The following ASAP1 variants were observed in gnomAD, a reference collection of about 807,000 sequenced individuals.
ASAP1 encodes the protein ArfGAP with SH3 domain, ankyrin repeat and PH domain 1, also known as arf-GAP with SH3 domain, ANK repeat and PH domain-containing protein 1.
ASAP1 carries 43 observed loss-of-function variants against 145.2 expected under a neutral mutation model. The observed-to-expected ratio is 0.30, with a 90% confidence interval of 0.23 to 0.38. The LOEUF (loss-of-function observed/expected upper bound fraction) is 0.38, where lower values mean the gene tolerates loss of function less well. Among genes scored for constraint, ASAP1 ranks in the 10% least tolerant of loss-of-function variants. ASAP1 has a pLI of 1.00. For synonymous variants in ASAP1, 546 were observed against 515.5 expected, an observed-to-expected ratio of 1.06 and a Z score of -0.80; for missense variants, 1,018 against 1,355.3, an observed-to-expected ratio of 0.75 and a Z score of 3.91.
chr8:130,241,783 A>C (rs1204068404), intron 3 of ASAP1, among the ~76,000 whole-genome samples: 1 of 152,164 alleles, frequency 6.6e-6, no homozygotes, highest in Non-Finnish European at 1.5e-5. Context: ...TTCTTTAAAA[A>C]TATTTTATTG....
intron 2 of ASAP1, among the ~76,000 whole-genome samples, chr8:130,371,761 A>C (rs1554896666): frequency 1.3e-5 from 2 of 152,218 alleles, no homozygotes; most frequent in Non-Finnish European, 2.9e-5. Flanking sequence ...GCTCCTGATA[A>C]CCATGGAGGC....
chr8:130,245,126 T>C (rs1309231156), intron 3 of ASAP1, among the ~76,000 whole-genome samples: 1 of 152,094 alleles, frequency 6.6e-6, no homozygotes, highest in African/African-American at 2.4e-5. Flanking sequence ...GATGTTATCA[T>C]GTTAGTTTCA....
intron 3 of ASAP1, among the ~76,000 whole-genome samples, chr8:130,349,261 C>T (rs1825861980): frequency 6.6e-6 from 1 of 152,200 alleles, no homozygotes; most frequent in South Asian, 2.1e-4. Context: ...ATCTGTGCCT[C>T]CCCAGTCCGG....
chr8:130,072,826 C>CGCGTGTGCGT (rs1554816422), intron 27 of ASAP1, among the ~76,000 whole-genome samples: 32 of 13,788 alleles, frequency 2.3e-3, no homozygotes, highest in South Asian at 0.016. Flanking sequence ...TGTGTGTGTG[C>CGCGTGTGCGT]GCGCGGGGGG....
chr8:130,055,935 CAT>C (rs2097403093), intron 29 of ASAP1, among the ~76,000 whole-genome samples: 1 of 152,172 alleles, frequency 6.6e-6, no homozygotes, highest in Non-Finnish European at 1.5e-5. Flanking sequence ...TCACAGTTAG[CAT>C]GTGTGTGTGG....
At position 130,317,087 on chromosome 8, in the gene ASAP1, C is replaced by CT. The variant is rs11348187; in HGVS notation, c.186+40929dup. 6.0e-4 allele frequency among the ~76,000 whole-genome samples: 86 copies of CT among 142,954 alleles called. 2 individuals carry two copies. The highest frequency in any genetic ancestry group is 1.6e-3 in the South Asian group (7 of 4,428). 93.8% of individuals were successfully genotyped at this position (142,954 alleles called of 152,430 possible). On this transcript the variant is annotated intron_variant, in intron 3 of 29. Transcript: ENST00000518721. ...ATTTTGCTTTTAGTTTCACATCATGCTTTTTTTTTTTTTTTAATCTCTACA... is the reference window on the plus strand; with the variant it reads ...ATTTTGCTTTTAGTTTCACATCATGCTTTTTTTTTTTTTTTTAATCTCTACA...
chr8:130,143,409 CTG>C (rs1491522302), intron 13 of ASAP1, among the ~76,000 whole-genome samples: 1 of 118,028 alleles, frequency 8.5e-6, no homozygotes, highest in African/African-American at 2.7e-5. Context: ...TGTGAGATGT[CTG>C]TTTTTTTTTT....
chr8:130,121,284 G>T (rs1276473984), intron 18 of ASAP1, among the ~76,000 whole-genome samples: 1 of 152,140 alleles, frequency 6.6e-6, no homozygotes, highest in African/African-American at 2.4e-5. Flanking sequence ...CTACAGCTGG[G>T]TTTCTCAACC....
chr8:130,239,781 T>G (rs774074583), intron 3 of ASAP1, among the ~76,000 whole-genome samples: 4 of 152,134 alleles, frequency 2.6e-5, no homozygotes, highest in Non-Finnish European at 5.9e-5. Flanking sequence ...TCCATACTTA[T>G]GATTGCCCTT....
intron 7 of ASAP1, among the ~76,000 whole-genome samples, chr8:130,186,547 T>C (rs570037802): frequency 6.6e-6 from 1 of 152,226 alleles, no homozygotes; most frequent in East Asian, 1.9e-4. Context: ...ATACACACAG[T>C]ATCGAGATGG....
intron 3 of ASAP1, among the ~76,000 whole-genome samples, chr8:130,343,019 G>C (rs535404581): frequency 6.6e-6 from 1 of 152,322 alleles, no homozygotes; most frequent in South Asian, 2.1e-4. Flanking sequence ...TTTTCAGCTG[G>C]AGAAATGTCC....
At chr8:130,326,804 G>A (rs1025203379) in intron 3 of ASAP1, among the ~76,000 whole-genome samples, 1 of 152,172 alleles carries the variant, frequency 6.6e-6, no homozygotes, top group African/African-American at 2.4e-5. Context: ...TCTCCACATT[G>A]TGTTTCCCAG....
intron 27 of ASAP1, among the ~76,000 whole-genome samples, chr8:130,061,867 T>C (rs370549584): frequency 1.3e-5 from 2 of 152,246 alleles, no homozygotes; most frequent in Non-Finnish European, 1.5e-5. Flanking sequence ...CCCATTTCCA[T>C]AGCTCTTTGT....
intron 3 of ASAP1, among the ~76,000 whole-genome samples, chr8:130,293,880 G>A (rs971766293): frequency 6.6e-5 from 10 of 152,214 alleles, no homozygotes; most frequent in Non-Finnish European, 1.5e-4. Context: ...TGCACCATGT[G>A]CCTTGCAATG....
intron 2 of ASAP1, among the ~76,000 whole-genome samples, chr8:130,384,972 A>T (rs1827945088): frequency 6.6e-6 from 1 of 152,224 alleles, no homozygotes; most frequent in South Asian, 2.1e-4. Flanking sequence ...TGTCCCACGT[A>T]CATACACACA....
At chr8:130,072,831 G>GCAC (rs58907739) in intron 27 of ASAP1, among the ~76,000 whole-genome samples, 1 of 110,706 alleles carries the variant, frequency 9.0e-6, no homozygotes, top group Non-Finnish European at 2.0e-5. Flanking sequence ...GTGTGCGCGC[G>GCAC]GGGGGGGGCA....
At position 130,248,704 on chromosome 8, in the gene ASAP1, T is replaced by C. The variant is rs1246813932; in HGVS notation, c.187-11710A>G. Among the ~76,000 whole-genome samples the C allele has an allele frequency of 2.0e-5, 3 of 152,198 alleles. No homozygotes were observed. The East Asian group carries it at 5.8e-4, about 29-fold the overall frequency. ...AAGCTGGGTATTACATCACAACACT[T>C]ATCTGAAGTATTTCTGTTGTGGTTC... On this transcript the variant is annotated intron_variant, in intron 3 of 29. Coordinates refer to ENST00000518721, the MANE Select transcript of ASAP1 (RefSeq NM_018482.4).
chr8:130,146,016 G>GT (rs376317332), intron 13 of ASAP1, among the ~76,000 whole-genome samples: 28,281 of 123,624 alleles, frequency 0.23, 3,388 homozygotes, highest in East Asian at 0.47. Flanking sequence ...TAAGTTTTGT[G>GT]TTTTTTTTTT....
intron 27 of ASAP1, among the ~76,000 whole-genome samples, chr8:130,066,431 G>T (rs1432256148): frequency 2.6e-5 from 4 of 152,052 alleles, no homozygotes; most frequent in African/African-American, 9.7e-5. Flanking sequence ...GGCTGGTCTT[G>T]AACTCCTGGG....
Sources: allele counts gnomAD v4.1 joint callset (sites outside exome capture counted in the v4.1 genomes callset), GRCh38; gene constraint gnomAD v4.1.1; transcripts MANE v1.5; gene names NCBI Gene and HGNC (gene_info 2026-07-23, HGNC 2026-07-21).